Variants in DMD observed in about 807,000 individuals in gnomAD.
DMD encodes mutant dystrophin.
A neutral mutation model predicts 330.1 loss-of-function variants in DMD; 63 were observed. That is an observed-to-expected ratio of 0.19 (90% CI 0.16 to 0.24). The LOEUF is 0.24. Among genes scored for constraint, DMD ranks in the 10% least tolerant of loss-of-function variants. The pLI is 1.00. For missense variants in DMD, 3,344 were observed against 2,684.1 expected (o/e 1.25, Z -5.43); for synonymous variants, 1,223 against 959.8 (o/e 1.27, Z -5.07).
At chrX:33,288,279 T>C (rs909491610) in intron 1 of DMD, among the ~76,000 whole-genome samples, 1 of 111,808 alleles carries the variant, frequency 8.9e-6, no homozygotes, top group East Asian at 2.8e-4. Context: ...GCCATTCCAC[T>C]GGGAAATCTG....
intron 1 of DMD, among the ~76,000 whole-genome samples, chrX:33,180,852 T>TTC (rs1175747166): frequency 9.2e-6 from 1 of 109,012 alleles, no homozygotes; most frequent in Admixed American, 9.8e-5. Context: ...GCTTTTTTTT[T>TTC]TTTTTTTTTT....
intron 59 of DMD, among the ~76,000 whole-genome samples, chrX:31,461,697 G>C (rs773708153): frequency 9.9e-5 from 11 of 111,189 alleles, no homozygotes. Flanking sequence ...TTTCCATAAA[G>C]AAACAAAATT....
At chrX:31,796,744 G>C (rs2091849767) in intron 50 of DMD, among the ~76,000 whole-genome samples, 1 of 111,825 alleles carries the variant, frequency 8.9e-6, no homozygotes, top group Non-Finnish European at 1.9e-5. Flanking sequence ...GGCTTAACGG[G>C]AAGTGTGGGG....
At chrX:32,059,561 TA>T (rs1411893566) in intron 44 of DMD, among the ~76,000 whole-genome samples, 1 of 112,151 alleles carries the variant, frequency 8.9e-6, no homozygotes, top group African/African-American at 3.2e-5. Context: ...CATTGTGAAC[TA>T]GAATAGTGTA....
In DMD at chrX:32,458,944, T is replaced by C. The variant is rs149200031; in HGVS notation, c.3433-4112A>G. On this transcript the variant is annotated intron_variant, in intron 25 of 78. Transcript: ENST00000357033. Reference sequence around the variant, plus strand: ...TTTGTGAATATTTCCTTCCATTCCCTAGAATCTAAAATAGTCAAACTCACA... The same window carrying C: ...TTTGTGAATATTTCCTTCCATTCCCCAGAATCTAAAATAGTCAAACTCACA... Among the ~76,000 whole-genome samples, 677 of 110,939 alleles carry C rather than the reference T, an allele frequency of 6.1e-3. 7 individuals are homozygous for C. The highest frequency in any genetic ancestry group is 0.052 in the South Asian group (137 of 2,655).
intron 7 of DMD, among the ~76,000 whole-genome samples, chrX:32,720,799 G>T (rs991450121): frequency 9.0e-6 from 1 of 110,877 alleles, no homozygotes; most frequent in African/African-American, 3.3e-5. Context: ...TTTAAAAAAG[G>T]GTTAGCTGTA....
At chrX:33,111,262 G>C (rs1006229644) in intron 1 of DMD, among the ~76,000 whole-genome samples, 6 of 111,692 alleles carry the variant, frequency 5.4e-5, no homozygotes, top group Non-Finnish European at 7.5e-5. Context: ...CAAATGGAAG[G>C]CTCTGACATC....
chrX:33,159,662 C>A (rs1189381155), intron 1 of DMD: 1 of 111,919 alleles, frequency 8.9e-6, no homozygotes, highest in African/African-American at 3.2e-5. Context: ...ATATGTGCCA[C>A]ATTTTCTTTA....
At chrX:31,613,206 C>T (rs1458928671) in intron 55 of DMD, among the ~76,000 whole-genome samples, 2 of 112,172 alleles carry the variant, frequency 1.8e-5, no homozygotes, top group East Asian at 5.6e-4. Context: ...ATGTTCTCAT[C>T]CCCTTGAATC....
At chrX:32,630,592 G>C (rs1239085661) in intron 11 of DMD, among the ~76,000 whole-genome samples, 2 of 110,739 alleles carry the variant, frequency 1.8e-5, no homozygotes, top group African/African-American at 3.3e-5. Flanking sequence ...TCTCCTGCTT[G>C]ATCAATTCTT....
chrX:32,016,003 G>A lies in DMD; in HGVS notation c.6439-47489C>T, dbSNP rs898707414. On this transcript the variant is annotated intron_variant, in intron 44 of 78. Transcript: ENST00000357033. ...ACACCCAACCCTCCCGCTGGCCTGAGCAGCAGGTGCTGGTGCTGTTAGTAA... is the reference window on the plus strand; with the variant it reads ...ACACCCAACCCTCCCGCTGGCCTGAACAGCAGGTGCTGGTGCTGTTAGTAA... Among the ~76,000 whole-genome samples the A allele has an allele frequency of 3.6e-5, 4 of 111,820 alleles. No homozygotes were observed. In the Admixed American group the frequency reaches 3.8e-4, roughly 11 times the overall value.
intron 2 of DMD, among the ~76,000 whole-genome samples, chrX:32,990,699 A>G (rs1221491305): frequency 9.0e-6 from 1 of 111,565 alleles, no homozygotes; most frequent in African/African-American, 3.3e-5. Context: ...ATCCATGTAA[A>G]GCAGTACTTA....
chrX:31,803,970 A>G (rs1303015245), intron 50 of DMD, among the ~76,000 whole-genome samples: 2 of 110,849 alleles, frequency 1.8e-5, no homozygotes, highest in Non-Finnish European at 3.8e-5. Flanking sequence ...AAGTGTTGGG[A>G]TTACAGGCGT....
intron 21 of DMD, among the ~76,000 whole-genome samples, chrX:32,476,367 T>G (rs1179327085): frequency 9.0e-6 from 1 of 111,599 alleles, no homozygotes; most frequent in East Asian, 2.8e-4. Context: ...ATCCTAGTTT[T>G]GTATTAAATT....
At chrX:32,039,004 T>C (rs987680630) in intron 44 of DMD, among the ~76,000 whole-genome samples, 1 of 111,113 alleles carries the variant, frequency 9.0e-6, no homozygotes. Context: ...GATATGTCTG[T>C]GTGTGTATGT....
At position 32,304,162 on chromosome X, in the gene DMD, C is replaced by T. The variant is rs191011298; in HGVS notation, c.6117+5920G>A. On this transcript the variant is annotated intron_variant, in intron 42 of 78. Transcript: ENST00000357033. ...CATAAAAAACGACATTATAACTGGT[C>T]GAAGCACAGCTTCAACCGTTTGTGA... 5.4e-5 allele frequency among the ~76,000 whole-genome samples: 6 copies of T among 111,170 alleles called. No homozygotes were observed. The Admixed American group carries it at 5.7e-4, about 11-fold the overall frequency.
chrX:32,736,221 A>G (rs2068459461), intron 7 of DMD, among the ~76,000 whole-genome samples: 1 of 111,860 alleles, frequency 8.9e-6, no homozygotes, highest in Non-Finnish European at 1.9e-5. Context: ...ATGAGATACC[A>G]TCTCACACCA....
intron 44 of DMD, among the ~76,000 whole-genome samples, chrX:31,989,423 T>C (rs1173783382): frequency 4.5e-5 from 5 of 112,114 alleles, no homozygotes; most frequent in African/African-American, 1.6e-4. Context: ...TATTGCAAAA[T>C]GTTCTTAAAG....
At chrX:32,529,067 G>A (rs2047206177) in intron 17 of DMD, among the ~76,000 whole-genome samples, 1 of 106,591 alleles carries the variant, frequency 9.4e-6, no homozygotes, top group Admixed American at 1.0e-4. Flanking sequence ...GACTACAGGC[G>A]CCTGCCGCCA....
Sources: allele counts gnomAD v4.1 joint callset (sites outside exome capture counted in the v4.1 genomes callset), GRCh38; gene constraint gnomAD v4.1.1; transcripts MANE v1.5; gene names NCBI Gene and HGNC (gene_info 2026-07-23, HGNC 2026-07-21).